Variants in EFCAB6 observed in about 807,000 individuals in gnomAD.
The protein encoded by EFCAB6 is EF-hand calcium-binding domain-containing protein 6.
Under a neutral mutation model 169.8 loss-of-function variants are expected in EFCAB6, and 156 were observed. That is an observed-to-expected ratio of 0.92 (90% CI 0.81 to 1.05). The LOEUF (loss-of-function observed/expected upper bound fraction) is 1.05. EFCAB6 is among the 50% of genes least tolerant of loss of function. EFCAB6 has a pLI of 0.00. For synonymous variants in EFCAB6, 698 were observed against 676.4 expected (o/e 1.03, Z -0.50); for missense variants, 1,800 against 1,829.1 (o/e 0.98, Z 0.29).
intron 19 of EFCAB6, among the ~76,000 whole-genome samples, chr22:43,629,897 G>C (rs1487210144): frequency 6.6e-6 from 1 of 152,168 alleles, no homozygotes; most frequent in East Asian, 1.9e-4. Context: ...ACAATCCTGC[G>C]AGGGCCAGGA....
intron 12 of EFCAB6, among the ~76,000 whole-genome samples, chr22:43,679,569 C>A (rs1316496561): frequency 6.6e-6 from 1 of 152,194 alleles, no homozygotes; most frequent in East Asian, 1.9e-4. Flanking sequence ...CTGTTTTCCA[C>A]AGTGGCTGTG....
intron 3 of EFCAB6, among the ~76,000 whole-genome samples, chr22:43,774,529 G>T (rs956495178): frequency 2.2e-4 from 34 of 151,726 alleles, no homozygotes; most frequent in African/African-American, 7.5e-4. Flanking sequence ...CTGTGCCGGG[G>T]GCTGGGGATG....
At chr22:43,541,805 C>A (rs964126182) in intron 27 of EFCAB6, among the ~76,000 whole-genome samples, 5 of 152,346 alleles carry the variant, frequency 3.3e-5, no homozygotes, top group African/African-American at 1.2e-4. Context: ...AATCTCTCCC[C>A]CTCCCTCCCC....
chr22:43,787,468 A>T (rs542730787), intron 2 of EFCAB6, among the ~76,000 whole-genome samples: 58 of 152,290 alleles, frequency 3.8e-4, no homozygotes, highest in South Asian at 2.9e-3. Flanking sequence ...TATACCTACA[A>T]TGAACAATCT....
At position 43,554,934 on chromosome 22, in the gene EFCAB6, T is replaced by C. The variant is rs763413954; in HGVS notation, c.3583A>G (p.Thr1195Ala). The C allele has an allele frequency of 6.2e-7, 1 of 1,614,122 alleles. No homozygotes were observed. Among genetic ancestry groups the C allele is most frequent in the Non-Finnish European group, 8.5e-7 (1 of 1,180,016 alleles). ...FENFDTMKTN[T>A]ISREEFRAIC... Reference sequence around the variant, plus strand: ...GCCCTAAACTCCTCTCTGGAGATGGTGTTCGTTTTCATGGTGTCAAAATTC... The same window carrying C: ...GCCCTAAACTCCTCTCTGGAGATGGCGTTCGTTTTCATGGTGTCAAAATTC... The change falls in exon 27 of 32, where the codon ACC becomes GCC. Residue 1195 changes from threonine to alanine, a missense_variant. By Grantham distance (58) the Thr-to-Ala change is moderately conservative. Transcript: ENST00000262726.
intron 13 of EFCAB6, among the ~76,000 whole-genome samples, chr22:43,676,855 C>G (rs1196755421): frequency 6.6e-6 from 1 of 152,170 alleles, no homozygotes; most frequent in African/African-American, 2.4e-5. Flanking sequence ...GCATTTTGCA[C>G]AGAAACCATC....
At chr22:43,546,425 C>G (rs566688606) in intron 27 of EFCAB6, among the ~76,000 whole-genome samples, 1 of 152,068 alleles carries the variant, frequency 6.6e-6, no homozygotes, top group Non-Finnish European at 1.5e-5. Flanking sequence ...GCAGTAGACA[C>G]GTCTGGCAGA....
intron 24 of EFCAB6, among the ~76,000 whole-genome samples, chr22:43,585,367 G>A (rs994232891): frequency 5.3e-5 from 8 of 152,046 alleles, no homozygotes; most frequent in Non-Finnish European, 1.2e-4. Flanking sequence ...GGACATGGTT[G>A]AGGAGAGAAT....
intron 20 of EFCAB6, among the ~76,000 whole-genome samples, chr22:43,624,683 G>A (rs1158755755): frequency 1.3e-5 from 2 of 152,154 alleles, no homozygotes; most frequent in Admixed American, 1.3e-4. Context: ...TGTGGCACTT[G>A]GGTCATCTAT....
At chr22:43,784,716 C>CATATAT (rs1445484512) in intron 2 of EFCAB6, among the ~76,000 whole-genome samples, 1 of 125,496 alleles carries the variant, frequency 8.0e-6, no homozygotes, top group African/African-American at 3.1e-5. Context: ...CACACACACA[C>CATATAT]ACATATATAT....
At chr22:43,575,240 G>T (rs2050166146) in intron 26 of EFCAB6, among the ~76,000 whole-genome samples, 1 of 152,102 alleles carries the variant, frequency 6.6e-6, no homozygotes, top group Non-Finnish European at 1.5e-5. Flanking sequence ...ACCCAGGCTG[G>T]AGTGTAGTGG....
At chr22:43,740,729 C>G (rs565404421) in intron 6 of EFCAB6, among the ~76,000 whole-genome samples, 2 of 152,178 alleles carry the variant, frequency 1.3e-5, no homozygotes, top group African/African-American at 4.8e-5. Flanking sequence ...GAAGCAAAGC[C>G]GGCTCCAGTG....
intron 19 of EFCAB6, among the ~76,000 whole-genome samples, chr22:43,631,872 G>T (rs2054970587): frequency 6.6e-6 from 1 of 150,836 alleles, no homozygotes; most frequent in Admixed American, 6.6e-5. Context: ...TGTCAAAAGG[G>T]TCTCCTTAGC....
At chr22:43,734,630 A>G (rs1014464144) in intron 7 of EFCAB6, among the ~76,000 whole-genome samples, 3 of 152,188 alleles carry the variant, frequency 2.0e-5, no homozygotes, top group Admixed American at 6.5e-5. Flanking sequence ...AAAATTATTT[A>G]ATTTGTTTTG....
At chr22:43,546,175 G>A (rs2048041824) in intron 27 of EFCAB6, among the ~76,000 whole-genome samples, 1 of 152,170 alleles carries the variant, frequency 6.6e-6, no homozygotes, top group South Asian at 2.1e-4. Flanking sequence ...GAACTGACAA[G>A]TCAGACTTTT....
intron 21 of EFCAB6, among the ~76,000 whole-genome samples, chr22:43,614,780 G>T (rs1345450305): frequency 6.6e-6 from 1 of 152,208 alleles, no homozygotes; most frequent in African/African-American, 2.4e-5. Flanking sequence ...ACTTTATGCA[G>T]CCCACAGCAC....
At chr22:43,796,543 C>A (rs1034784297) in intron 2 of EFCAB6, among the ~76,000 whole-genome samples, 4 of 152,176 alleles carry the variant, frequency 2.6e-5, no homozygotes, top group African/African-American at 9.7e-5. Context: ...ACCCACCACA[C>A]CTGATGTGAT....
chr22:43,612,282 C>T (rs113934907), intron 21 of EFCAB6, among the ~76,000 whole-genome samples: 3,052 of 152,118 alleles, frequency 0.02, 96 homozygotes, highest in African/African-American at 0.068. Flanking sequence ...TATTTCATGA[C>T]GAAAGAAAAA....
At chr22:43,699,876 C>A (rs1365757960) in intron 10 of EFCAB6, among the ~76,000 whole-genome samples, 1 of 152,152 alleles carries the variant, frequency 6.6e-6, no homozygotes, top group Non-Finnish European at 1.5e-5. Context: ...TTGTTACCAG[C>A]GTGAATGGGA....
Sources: gnomAD v4.1 joint callset for allele counts (sites outside exome capture counted in the v4.1 genomes callset) on GRCh38, gnomAD v4.1.1 for gene constraint, MANE v1.5 for transcripts, NCBI Gene and HGNC (gene_info 2026-07-23, HGNC 2026-07-21) for gene names.